The following MIS18BP1 variants were observed in gnomAD, a reference collection of about 807,000 sequenced individuals.
MIS18BP1 encodes mis18-binding protein 1.
MIS18BP1 carries 72 observed loss-of-function variants against 116.1 expected under a neutral mutation model. The ratio of observed to expected loss-of-function variants is 0.62; its 90% CI spans 0.51 to 0.75. The LOEUF (loss-of-function observed/expected upper bound fraction) is 0.75, where lower values mean the gene tolerates loss of function less well. MIS18BP1 is among the 30% of genes least tolerant of loss of function. The probability of loss-of-function intolerance (pLI) is 0.00; values close to 1 mark genes in which losing one functional copy is unlikely to be tolerated. For synonymous variants in MIS18BP1, 386 were observed against 427.0 expected, an observed-to-expected ratio of 0.90 and a Z score of 1.18; for missense variants, 1,363 against 1,303.2, an observed-to-expected ratio of 1.05 and a Z score of -0.71.
Position 45,242,086 on chromosome 14 carries a change from A to C in MIS18BP1, c.1091T>G (p.Leu364Arg), listed in dbSNP as rs1237100141. 6.2e-7 allele frequency: 1 copy of C among 1,613,532 alleles called. No homozygotes were observed. The highest frequency in any genetic ancestry group is 1.3e-5 in the African/African-American group (1 of 74,972). The change falls in exon 4 of 17, where the codon CTT (leucine) becomes CGT (arginine). Residue 364 changes from leucine to arginine, a missense_variant. Leu to Arg is a moderately radical substitution (Grantham distance 102). Transcript: ENST00000310806. ...PRRSKRNISK[L>R]SPPRIFQTVT... ...AGTTTGAAATATTCTTGGAGGAGAA[A>C]GCTTTGAAATATTTCTTTTTGACCT...
chr14:45,245,945 C>G (rs1428428599), intron 2 of MIS18BP1, among the ~76,000 whole-genome samples: 4 of 152,196 alleles, frequency 2.6e-5, no homozygotes, highest in Admixed American at 6.5e-5. Flanking sequence ...AGCCCGCACT[C>G]CATTCCTCCT....
chr14:45,237,497 G>A (rs546367864), intron 5 of MIS18BP1, 151 bp downstream of exon 5: 1 of 813,164 alleles, frequency 1.2e-6, no homozygotes, highest in East Asian at 3.5e-5. Flanking sequence ...AACATGGCTA[G>A]GACCTGCACA....
chr14:45,218,231 C>G (rs1030624922), intron 12 of MIS18BP1, 51 bp downstream of exon 12: 1 of 1,517,050 alleles, frequency 6.6e-7, no homozygotes. Context: ...TTTCAGTGAT[C>G]AGAAATCAAC....
At position 45,247,381 on chromosome 14, in the gene MIS18BP1, T is replaced by C. The variant is rs544378239; in HGVS notation, c.-91-4A>G. The C allele has an allele frequency of 7.8e-6, 8 of 1,025,974 alleles. No homozygotes were observed. Among genetic ancestry groups the C allele is most frequent in the East Asian group, 2.5e-5 (1 of 39,778 alleles). 63.6% of individuals were successfully genotyped at this position (1,025,974 alleles called of 1,614,324 possible). ...TTCAGAAGGGATCCACAGAAACCTGTAGTTCAACGTAAAATCAGCCTTTAT... is the reference window on the plus strand; with the variant it reads ...TTCAGAAGGGATCCACAGAAACCTGCAGTTCAACGTAAAATCAGCCTTTAT... On this transcript the variant is annotated splice_polypyrimidine_tract_variant and splice_region_variant and intron_variant, in intron 1 of 16. Transcript: ENST00000310806.
At chr14:45,243,578 T>G (rs1891641974) in intron 2 of MIS18BP1, among the ~76,000 whole-genome samples, 1 of 152,150 alleles carries the variant, frequency 6.6e-6, no homozygotes, top group Non-Finnish European at 1.5e-5. Flanking sequence ...TTATCTTATA[T>G]GTTTAATTTT....
At chr14:45,211,339 G>T (rs1333290305) in intron 13 of MIS18BP1, among the ~76,000 whole-genome samples, 2 of 152,152 alleles carry the variant, frequency 1.3e-5, no homozygotes, top group Non-Finnish European at 2.9e-5. Flanking sequence ...TTTACTGCAA[G>T]ATTTACTACA....
rs368020153 is a variant in MIS18BP1 at position 45,248,762 on chromosome 14, C to T, written c.-91-1385G>A. Among the ~76,000 whole-genome samples the T allele has an allele frequency of 3.5e-4, 53 of 152,302 alleles. No individual in the cohort carries two copies. In the East Asian group the frequency reaches 8.5e-3, roughly 24 times the overall value. On this transcript the variant is annotated intron_variant, in intron 1 of 16. Transcript: ENST00000310806. Reference sequence around the variant, plus strand: ...TACAACAGCCAACAAAGAAGGCTATCTTGGGAGTCTGGAGTTCCTAAAAAC... The same window carrying T: ...TACAACAGCCAACAAAGAAGGCTATTTTGGGAGTCTGGAGTTCCTAAAAAC...
In MIS18BP1 at chr14:45,206,117, C is replaced by T; in HGVS notation, c.3206G>A (p.Gly1069Asp). 6.2e-7 allele frequency: 1 copy of T among 1,608,608 alleles called. No individual in the cohort carries two copies. The highest frequency in any genetic ancestry group is 1.3e-5 in the African/African-American group (1 of 74,834). Reference protein sequence around the residue: ...FRMQKYHKSNGGIVWGNIKKK... With the variant: ...FRMQKYHKSNDGIVWGNIKKK... ...CTTGATGTTGCCCCAGACAATACCA[C>T]CATTACTTTTATGATATTTTTGCAT... The change falls in exon 15 of 17, where the codon GGT (glycine) becomes GAT (aspartate). Residue 1069 changes from glycine (G) to aspartate (D), a missense_variant. Coordinates refer to ENST00000310806, the MANE Select transcript of MIS18BP1 (RefSeq NM_018353.5).
chr14:45,218,432 G>A lies in MIS18BP1; in HGVS notation c.2692C>T (p.His898Tyr), dbSNP rs762783013. ...LHCAFASLPKHKPGFWSEVAA... is the reference protein window; with the variant it reads ...LHCAFASLPKYKPGFWSEVAA... ...ACCTCTGACCAGAAACCAGGTTTGT[G>A]CTTTGGAAGAGATGCAAAAGCACTA... The change falls in exon 12 of 17, where the codon CAC becomes TAC. Residue 898 changes from histidine (H) to tyrosine (Y), a missense_variant. Coordinates refer to ENST00000310806, the MANE Select transcript of MIS18BP1 (RefSeq NM_018353.5). 1.2e-6 allele frequency: 2 copies of A among 1,605,282 alleles called. No individual in the cohort carries two copies. The highest frequency in any genetic ancestry group is 1.3e-5 in the African/African-American group (1 of 74,324).
chr14:45,232,334 G>A (rs897753841), intron 7 of MIS18BP1, among the ~76,000 whole-genome samples: 10 of 148,988 alleles, frequency 6.7e-5, no homozygotes, highest in African/African-American at 2.2e-4. Context: ...GGAGAATGGC[G>A]TGAACCCCAG....
At chr14:45,212,461 CCA>C (rs1890702731) in intron 13 of MIS18BP1, among the ~76,000 whole-genome samples, 1 of 152,160 alleles carries the variant, frequency 6.6e-6, no homozygotes, top group Non-Finnish European at 1.5e-5. Context: ...TCCCCACCCC[CCA>C]CCAGGAATGT....
At chr14:45,223,874 G>T in intron 11 of MIS18BP1, 44 bp downstream of exon 11, 1 of 1,389,362 alleles carries the variant, frequency 7.2e-7, no homozygotes, top group Non-Finnish European at 9.7e-7. Context: ...TAACTGTCTT[G>T]TGGCTGCTCT....
chr14:45,227,914 C>T (rs1023550347), intron 8 of MIS18BP1, 100 bp from the exon 9 acceptor site: 10 of 1,216,084 alleles, frequency 8.2e-6, no homozygotes, highest in East Asian at 7.2e-5. Flanking sequence ...TGGTGGCTCA[C>T]GCCTGTAATC....
At chr14:45,240,147 A>G (rs1331633791) in intron 4 of MIS18BP1, among the ~76,000 whole-genome samples, 2 of 151,934 alleles carry the variant, frequency 1.3e-5, no homozygotes, top group African/African-American at 4.8e-5. Flanking sequence ...ATTTAAAACT[A>G]TGACACTGGA....
chr14:45,204,244 A>G (rs780700793), intron 16 of MIS18BP1, 32 bp from the exon 17 acceptor site: 1 of 1,566,162 alleles, frequency 6.4e-7, no homozygotes. Context: ...AAAGATAATA[A>G]ATTTCTAAAA....
chr14:45,232,730 T>C lies in MIS18BP1; in HGVS notation c.1436+3A>G. 7.1e-7 allele frequency: 1 copy of C among 1,407,734 alleles called. No homozygotes were observed. The highest frequency in any genetic ancestry group is 9.7e-7 in the Non-Finnish European group (1 of 1,027,654). 87.2% of individuals were successfully genotyped at this position (1,407,734 alleles called of 1,614,324 possible). A position where few individuals can be genotyped will look rare whatever the true frequency, so the allele number is the denominator to read the frequency against. ...CTTCTAAAAACATAAAACAACATTT[T>C]ACCTTAATTGTTCCAGAAAATTATC... On this transcript the variant is annotated splice_donor_region_variant and intron_variant, in intron 7 of 16. Transcript: ENST00000310806.
chr14:45,206,020 CCA>C, intron 15 of MIS18BP1, 61 bp downstream of exon 15: 4 of 1,062,828 alleles, frequency 3.8e-6, no homozygotes, highest in Non-Finnish European at 4.3e-6. Flanking sequence ...CTTACAACTA[CCA>C]CAGTTTATCA....
chr14:45,207,769 A>G (rs1289422176), intron 14 of MIS18BP1, among the ~76,000 whole-genome samples: 1 of 152,198 alleles, frequency 6.6e-6, no homozygotes, highest in Non-Finnish European at 1.5e-5. Context: ...TAACTGTTTG[A>G]TTACTTAAAA....
rs1324981905 is a variant in MIS18BP1, at chr14:45,246,858, T to C, written c.429A>G (p.Gly143=). Residue 143 remains glycine, a synonymous_variant, in exon 2 of 17, where the codon GGA becomes GGG. Coordinates refer to ENST00000310806, the MANE Select transcript of MIS18BP1 (RefSeq NM_018353.5). ...TGTTAGGAGTGAAGGTTTCATTATTTCCACTTTTCTGTGGTTCCAACAAAC... is the reference window on the plus strand; with the variant it reads ...TGTTAGGAGTGAAGGTTTCATTATTCCCACTTTTCTGTGGTTCCAACAAAC... ...NSSLLEPQKS[G]NNETFTPNRV... 6.2e-7 allele frequency: 1 copy of C among 1,612,746 alleles called. No homozygotes were observed.
Sources: allele counts gnomAD v4.1 joint callset (sites outside exome capture counted in the v4.1 genomes callset), GRCh38; gene constraint gnomAD v4.1.1; transcripts MANE v1.5; gene names NCBI Gene and HGNC (gene_info 2026-07-23, HGNC 2026-07-21).